KIAA1549L: variants seen among roughly 807,000 people sequenced by gnomAD.
KIAA1549L encodes the protein KIAA1549 like.
A neutral mutation model predicts 160.7 loss-of-function variants in KIAA1549L; 88 were observed. The observed-to-expected ratio is 0.55, with a 90% CI of 0.46 to 0.65. The LOEUF is 0.65. Among genes scored for constraint, KIAA1549L ranks in the 30% least tolerant of loss-of-function variants. The pLI, the probability that KIAA1549L is intolerant of heterozygous loss-of-function variation, is 0.00. For synonymous variants in KIAA1549L, 950 were observed against 976.7 expected, an observed-to-expected ratio of 0.97 and a Z score of 0.51; for missense variants, 2,258 against 2,437.5, an observed-to-expected ratio of 0.93 and a Z score of 1.55.
Position 33,627,490 on chromosome 11 carries a change from G to A in KIAA1549L, c.5409+8828G>A, listed in dbSNP as rs554921939. 7.9e-5 allele frequency among the ~76,000 whole-genome samples: 12 copies of A among 152,186 alleles called. No homozygotes were observed. In the South Asian group the frequency reaches 2.5e-3, roughly 32 times the overall value. ...TTCTTCCTGGTTTAGTCTTCGGAGAGTGTATGTGTCGAGGAATTTATCCAT... is the reference window on the plus strand; with the variant it reads ...TTCTTCCTGGTTTAGTCTTCGGAGAATGTATGTGTCGAGGAATTTATCCAT... On this transcript the variant is annotated intron_variant, in intron 16 of 20. Coordinates refer to ENST00000658780, the MANE Select transcript of KIAA1549L (RefSeq NM_012194.3).
intron 1 of KIAA1549L, among the ~76,000 whole-genome samples, chr11:33,402,044 C>T (rs2447524): frequency 0.055 from 8,378 of 152,216 alleles, 580 homozygotes; most frequent in African/African-American, 0.17. Flanking sequence ...CTAGCCTTCT[C>T]GTCTTCTAGC....
At chr11:33,639,652 G>C (rs1669451610) in intron 16 of KIAA1549L, among the ~76,000 whole-genome samples, 1 of 152,202 alleles carries the variant, frequency 6.6e-6, no homozygotes, top group African/African-American at 2.4e-5. Flanking sequence ...CGATTCTCCT[G>C]CCTCAGCCTC....
chr11:33,466,960 G>A (rs1208785030), intron 1 of KIAA1549L, among the ~76,000 whole-genome samples: 5 of 147,058 alleles, frequency 3.4e-5, no homozygotes, highest in Non-Finnish European at 7.5e-5. Flanking sequence ...CACACACTGG[G>A]GCCTGTTGGG....
At chr11:33,514,738 A>AT (rs1407720831) in intron 1 of KIAA1549L, among the ~76,000 whole-genome samples, 5 of 152,112 alleles carry the variant, frequency 3.3e-5, no homozygotes, top group Non-Finnish European at 5.9e-5. Flanking sequence ...ACCATCTGGG[A>AT]TTTTTTAGTA....
intron 1 of KIAA1549L, among the ~76,000 whole-genome samples, chr11:33,529,427 TAAC>T (rs1218284666): frequency 1.3e-5 from 2 of 152,222 alleles, no homozygotes; most frequent in Admixed American, 6.5e-5. Context: ...GCAATCATGA[TAAC>T]AAATGTTTAT....
At chr11:33,616,908 G>A (rs1255177601) in intron 15 of KIAA1549L, among the ~76,000 whole-genome samples, 2 of 152,142 alleles carry the variant, frequency 1.3e-5, no homozygotes, top group African/African-American at 2.4e-5. Flanking sequence ...GGAGGCTGAG[G>A]TGGGCAGATC....
At chr11:33,464,881 A>G (rs772108691) in intron 1 of KIAA1549L, among the ~76,000 whole-genome samples, 4 of 151,776 alleles carry the variant, frequency 2.6e-5, no homozygotes, top group African/African-American at 9.7e-5. Context: ...TTAGCCCTGC[A>G]TCTTCTCCGA....
intron 1 of KIAA1549L, among the ~76,000 whole-genome samples, chr11:33,430,574 C>T (rs1213865893): frequency 6.6e-6 from 1 of 152,146 alleles, no homozygotes; most frequent in African/African-American, 2.4e-5. Context: ...TTTTTATAAG[C>T]AAAGTATGGT....
At chr11:33,386,394 T>C (rs2134040050) in intron 1 of KIAA1549L, among the ~76,000 whole-genome samples, 1 of 152,300 alleles carries the variant, frequency 6.6e-6, no homozygotes, top group East Asian at 1.9e-4. Flanking sequence ...ACTAAAGAAA[T>C]TCCTGGCCAG....
At position 33,583,436 on chromosome 11, in the gene KIAA1549L, C is replaced by A. The variant is rs949554696; in HGVS notation, c.4501C>A (p.Leu1501Ile). Reference protein sequence around the residue: ...TVIIIIITAVLCRKNKNDFKP... With the variant: ...TVIIIIITAVICRKNKNDFKP... ...CATCATCATCATCATCACTGCCGTG[C>A]TCTGCAGGAAGAACAAGAACGACTT... Residue 1501 changes from leucine to isoleucine, a missense_variant, in exon 11 of 21, where the codon CTC (leucine) becomes ATC (isoleucine). By Grantham distance (5) the Leu-to-Ile change is conservative. This residue lies in a region of KIAA1549L where 1,359 missense variants were observed against 1,546.6 expected (regional missense o/e 0.88). Transcript: ENST00000658780. 1 of 1,593,402 alleles carries A rather than the reference C, an allele frequency of 6.3e-7. No individual in the cohort carries two copies. The highest frequency in any genetic ancestry group is 1.1e-5 in the South Asian group (1 of 87,362).
chr11:33,610,553 T>C (rs1233709126), intron 15 of KIAA1549L, among the ~76,000 whole-genome samples: 1 of 152,202 alleles, frequency 6.6e-6, no homozygotes, highest in African/African-American at 2.4e-5. Context: ...TCCTTCAACA[T>C]TTAATTGTGG....
At position 33,429,112 on chromosome 11, in the gene KIAA1549L, C is replaced by G. The variant is rs536508508; in HGVS notation, c.238+52223C>G. ...TCAGCCTCCCAAGTACCTGGGATTA[C>G]AGGCACCCACCACTACCCGCTGCTA... On this transcript the variant is annotated intron_variant, in intron 1 of 20. Transcript: ENST00000658780. Among the ~76,000 whole-genome samples the G allele has an allele frequency of 4.0e-3, 609 of 152,286 alleles. 6 individuals are homozygous for G. The highest frequency in any genetic ancestry group is 0.014 in the African/African-American group (571 of 41,544).
intron 1 of KIAA1549L, among the ~76,000 whole-genome samples, chr11:33,422,143 C>G (rs1851025373): frequency 6.6e-6 from 1 of 152,110 alleles, no homozygotes; most frequent in Admixed American, 6.5e-5. Context: ...ACTACTGATT[C>G]TGCAAATGTC....
intron 1 of KIAA1549L, among the ~76,000 whole-genome samples, chr11:33,470,862 G>T (rs1195742264): frequency 6.6e-6 from 1 of 152,190 alleles, no homozygotes; most frequent in African/African-American, 2.4e-5. Flanking sequence ...TGAGAGAGAA[G>T]CTTTTAATGC....
intron 1 of KIAA1549L, among the ~76,000 whole-genome samples, chr11:33,452,312 A>G (rs1213788817): frequency 1.3e-5 from 2 of 152,224 alleles, no homozygotes; most frequent in African/African-American, 4.8e-5. Context: ...ATTGCCATTA[A>G]AAGTAATGGC....
Position 33,435,757 on chromosome 11 carries a change from A to AAGAG in KIAA1549L, c.238+58871_238+58872insGAGA, listed in dbSNP as rs202078714. On this transcript the variant is annotated intron_variant, in intron 1 of 20. Transcript: ENST00000658780. ...GGCCTTCCAGAGAAACAGAACCAAT[A>AAGAG]AGATATATATATATATATATATATA... Among the ~76,000 whole-genome samples, 102 of 46,452 alleles carry AAGAG rather than the reference A, an allele frequency of 2.2e-3. 6 individuals are homozygous for AAGAG. The highest frequency in any genetic ancestry group is 0.011 in the East Asian group (23 of 2,000). The allele number at this position is 46,452 out of a possible 152,430, so 30.5% of individuals were successfully genotyped here.
chr11:33,518,131 T>A (rs1853393123), intron 1 of KIAA1549L, among the ~76,000 whole-genome samples: 1 of 75,750 alleles, frequency 1.3e-5, no homozygotes, highest in East Asian at 3.6e-4. Flanking sequence ...AGAGCAAGAC[T>A]CTGTCTCAAA....
At chr11:33,618,391 T>C in intron 15 of KIAA1549L, 142 bp from the exon 16 acceptor site, 1 of 649,542 alleles carries the variant, frequency 1.5e-6, no homozygotes, top group Non-Finnish European at 2.5e-6. Context: ...CAGCCCCTTA[T>C]ATCCTGGGAA....
chr11:33,611,301 G>GA (rs1203602333), intron 15 of KIAA1549L, among the ~76,000 whole-genome samples: 3 of 130,340 alleles, frequency 2.3e-5, no homozygotes, highest in Non-Finnish European at 3.5e-5. Flanking sequence ...ATTCTCCACA[G>GA]ACTGGGGAGC....
Sources: allele counts gnomAD v4.1 joint callset (sites outside exome capture counted in the v4.1 genomes callset), GRCh38; gene constraint gnomAD v4.1.1; regional missense constraint gnomAD v4.1.1; transcripts MANE v1.5; gene names NCBI Gene and HGNC (gene_info 2026-07-23, HGNC 2026-07-21).